The following SI variants were observed in gnomAD, a reference collection of about 807,000 sequenced individuals.
SI encodes sucrase-isomaltase, also known as sucrase-isomaltase, intestinal.
A neutral mutation model predicts 253.3 loss-of-function variants in SI; 235 were observed. The observed-to-expected ratio is 0.93, with a 90% confidence interval of 0.83 to 1.03. SI has a LOEUF of 1.03. Ranked by LOEUF, SI falls within the 50% of genes least tolerant of loss-of-function variation. SI has a pLI of 0.00. For synonymous variants in SI, 819 were observed against 712.0 expected, an observed-to-expected ratio of 1.15 and a Z score of -2.39; for missense variants, 2,442 against 2,211.1, an observed-to-expected ratio of 1.10 and a Z score of -2.09.
intron 31 of SI, among the ~76,000 whole-genome samples, chr3:165,016,528 G>A (rs978283142): frequency 5.3e-5 from 8 of 151,800 alleles, no homozygotes; most frequent in Non-Finnish European, 2.9e-5. Flanking sequence ...TCTAATATTG[G>A]CAAAAGGAGT....
At chr3:165,019,102 A>G (rs1719180509) in intron 28 of SI, among the ~76,000 whole-genome samples, 1 of 151,914 alleles carries the variant, frequency 6.6e-6, no homozygotes, top group African/African-American at 2.4e-5. Flanking sequence ...CATTAACGAG[A>G]CAAATCTTTG....
Position 165,013,017 on chromosome 3 carries a change from G to A in SI, c.4025C>T (p.Thr1342Ile), listed in dbSNP as rs1192740685. ...AKVWPDLPNI[T>I]IDKTLTEDEA... ...ATCTTCCGTTAGAGTTTTATCTATT[G>A]TTATGTTGGGCAAATCTGGCCAAAC... Residue 1342 changes from threonine (T) to isoleucine (I), a missense_variant, in exon 34 of 48, where the codon ACA (threonine) becomes ATA (isoleucine). Transcript: ENST00000264382. 4 of 1,609,976 alleles carry A rather than the reference G, an allele frequency of 2.5e-6. No individual in the cohort carries two copies. Among genetic ancestry groups the A allele is most frequent in the Non-Finnish European group, 3.4e-6 (4 of 1,176,618 alleles).
chr3:165,020,911 C>G (rs1037134532), intron 27 of SI, among the ~76,000 whole-genome samples: 3 of 151,560 alleles, frequency 2.0e-5, no homozygotes, highest in African/African-American at 7.3e-5. Context: ...TTTCCAAATA[C>G]TTATTTTTGC....
chr3:165,057,412 G>A (rs1425556806), intron 12 of SI, among the ~76,000 whole-genome samples: 1 of 151,746 alleles, frequency 6.6e-6, no homozygotes, highest in African/African-American at 2.4e-5. Flanking sequence ...GAGATAGAAA[G>A]TATATTGAAA....
chr3:165,070,248 A>G (rs934436146), intron 3 of SI, among the ~76,000 whole-genome samples: 14 of 143,376 alleles, frequency 9.8e-5, no homozygotes, highest in African/African-American at 3.7e-4. Flanking sequence ...ACATAGTTTT[A>G]TTTTTATGTA....
chr3:165,078,356 T>C lies in SI; in HGVS notation c.-1+77A>G, dbSNP rs1350412490. On this transcript the variant is annotated intron_variant, in intron 1 of 47. Coordinates refer to ENST00000264382, the MANE Select transcript of SI (RefSeq NM_001041.4). ...GCCTAGTGCAGATAGATGGGAATAC[T>C]GCTAACACAAATTAAGAAAAAATAT... 3.3e-5 allele frequency: 5 copies of C among 152,016 alleles called. No individual in the cohort carries two copies. The Admixed American group carries it at 3.3e-4, about 10-fold the overall frequency. The allele number at this position is 152,016 out of a possible 1,614,324, so 9.4% of individuals were successfully genotyped here. A position where few individuals can be genotyped will look rare whatever the true frequency, so the allele number is the denominator to read the frequency against.
At chr3:165,033,274 T>C (rs1712344490) in intron 23 of SI, 121 bp downstream of exon 23, 1 of 726,782 alleles carries the variant, frequency 1.4e-6, no homozygotes, top group Non-Finnish European at 2.0e-6. Context: ...ATTTATTTCA[T>C]TACATTCCAT....
chr3:165,064,982 T>C (rs1302708090), intron 7 of SI, among the ~76,000 whole-genome samples: 1 of 151,872 alleles, frequency 6.6e-6, no homozygotes, highest in East Asian at 1.9e-4. Context: ...AAGTACAAGG[T>C]GAGTGAAAAA....
At chr3:165,073,237 C>CCT (rs1490177862) in intron 3 of SI, among the ~76,000 whole-genome samples, 18 of 106,812 alleles carry the variant, frequency 1.7e-4, no homozygotes, top group Middle Eastern at 4.7e-3. Flanking sequence ...TGTCTCTTTC[C>CCT]CTCTCTCTCT....
intron 34 of SI, among the ~76,000 whole-genome samples, chr3:165,011,769 T>A (rs1177330351): frequency 6.7e-6 from 1 of 148,682 alleles, no homozygotes; most frequent in Admixed American, 6.7e-5. Context: ...ATTATTTATT[T>A]ATTATTTATT....
At chr3:165,079,325 A>G (rs555233943), upstream of SI, among the ~76,000 whole-genome samples, 1 of 151,814 alleles carries the variant, frequency 6.6e-6, no homozygotes, top group Non-Finnish European at 1.5e-5. Flanking sequence ...CCCCAATTTG[A>G]CTCTGAAATT....
chr3:165,024,465 C>A (rs1221676248), intron 25 of SI, among the ~76,000 whole-genome samples: 1 of 151,082 alleles, frequency 6.6e-6, no homozygotes, highest in African/African-American at 2.4e-5. Flanking sequence ...TTTCCAATTT[C>A]CTTTTAAAGA....
intron 2 of SI, among the ~76,000 whole-genome samples, chr3:165,075,466 CCT>C (rs1342532113): frequency 6.6e-6 from 1 of 151,768 alleles, no homozygotes; most frequent in East Asian, 1.9e-4. Flanking sequence ...TCTCATACAA[CCT>C]CTCTCTCTCC....
At chr3:165,059,577 A>G (rs1713886380) in intron 10 of SI, among the ~76,000 whole-genome samples, 1 of 151,974 alleles carries the variant, frequency 6.6e-6, no homozygotes, top group Non-Finnish European at 1.5e-5. Context: ...CAAAAATCAA[A>G]AATACACTTT....
intron 22 of SI, among the ~76,000 whole-genome samples, chr3:165,034,302 C>A (rs1427560698): frequency 6.6e-6 from 1 of 151,868 alleles, no homozygotes; most frequent in Non-Finnish European, 1.5e-5. Context: ...TATTCATATT[C>A]TTAACTACTT....
At chr3:165,063,839 A>G (rs574422635) in intron 7 of SI, among the ~76,000 whole-genome samples, 53 of 150,996 alleles carry the variant, frequency 3.5e-4, no homozygotes, top group African/African-American at 1.2e-3. Flanking sequence ...ACTTATGCCC[A>G]GGTGGGTGGA....
intron 12 of SI, among the ~76,000 whole-genome samples, chr3:165,057,861 A>C (rs935444725): frequency 5.3e-5 from 8 of 152,082 alleles, no homozygotes; most frequent in African/African-American, 1.9e-4. Flanking sequence ...TTTGTACAGC[A>C]TTGTACAGAT....
chr3:164,981,027 TTG>T (rs1717162675), intron 47 of SI, among the ~76,000 whole-genome samples: 1 of 151,972 alleles, frequency 6.6e-6, no homozygotes, highest in Non-Finnish European at 1.5e-5. Context: ...CTTAATTTCT[TTG>T]TCACCCACAT....
intron 22 of SI, 80 bp downstream of exon 22, chr3:165,036,309 A>G: frequency 2.2e-6 from 2 of 923,668 alleles, no homozygotes. Context: ...ATATTTAAAA[A>G]ATGATACAAC....
Sources: allele counts gnomAD v4.1 joint callset (sites outside exome capture counted in the v4.1 genomes callset), GRCh38; gene constraint gnomAD v4.1.1; transcripts MANE v1.5; gene names NCBI Gene and HGNC (gene_info 2026-07-23, HGNC 2026-07-21).